ADAM7: variants seen among roughly 807,000 people sequenced by gnomAD.
ADAM7 encodes ADAM metallopeptidase domain 7.
A neutral mutation model predicts 102.9 loss-of-function variants in ADAM7; 97 were observed. The observed-to-expected ratio is 0.94, with a 90% CI of 0.80 to 1.12. The LOEUF (loss-of-function observed/expected upper bound fraction) is 1.12, where lower values mean the gene tolerates loss of function less well. ADAM7 is among the 50% of genes most tolerant of loss of function. The pLI is 0.00. For missense variants in ADAM7, 991 were observed against 908.7 expected (o/e 1.09, Z -1.16); for synonymous variants, 334 against 304.4 (o/e 1.10, Z -1.01).
intron 8 of ADAM7, among the ~76,000 whole-genome samples, chr8:24,477,557 C>T (rs1279175044): frequency 4.5e-5 from 2 of 44,226 alleles, no homozygotes; most frequent in Admixed American, 4.9e-4. Flanking sequence ...GTCCCTTGGG[C>T]ATACCCTCAT....
intron 8 of ADAM7, among the ~76,000 whole-genome samples, chr8:24,481,103 G>A (rs553110512): frequency 1.3e-5 from 2 of 150,516 alleles, no homozygotes; most frequent in Non-Finnish European, 3.0e-5. Context: ...AACAATTCAG[G>A]GCCAAGAGGA....
intron 20 of ADAM7, 150 bp from the exon 21 acceptor site, chr8:24,507,330 A>T (rs1820984752): frequency 1.7e-6 from 1 of 598,558 alleles, no homozygotes; most frequent in South Asian, 2.5e-5. Context: ...AGCAATTTAC[A>T]AACTGTCTTG....
At chr8:24,503,570 T>C (rs577268535) in intron 20 of ADAM7, among the ~76,000 whole-genome samples, 23 of 152,252 alleles carry the variant, frequency 1.5e-4, no homozygotes, top group Non-Finnish European at 2.4e-4. Context: ...TAAAGACACA[T>C]GCACACGTAC....
At chr8:24,475,852 T>C (rs1009349564) in intron 7 of ADAM7, 5 of 443,786 alleles carry the variant, frequency 1.1e-5, no homozygotes, top group Non-Finnish European at 2.3e-5. Context: ...AAAAAGGGAA[T>C]GCAGTTATAA....
intron 11 of ADAM7, among the ~76,000 whole-genome samples, chr8:24,488,565 T>C (rs1049289997): frequency 3.3e-5 from 5 of 152,126 alleles, no homozygotes; most frequent in East Asian, 3.9e-4. Flanking sequence ...CTCAGTCTAA[T>C]GTGATCAAGA....
At chr8:24,491,022 G>A (rs1820330008) in intron 13 of ADAM7, 134 bp downstream of exon 13, 1 of 815,208 alleles carries the variant, frequency 1.2e-6, no homozygotes, top group Admixed American at 2.5e-5. Flanking sequence ...ACCCAACAGA[G>A]ATTCTTGTGA....
Position 24,508,720 on chromosome 8 carries a change from C to G in ADAM7, c.*174C>G. The G allele has an allele frequency of 2.1e-6, 3 of 1,430,546 alleles. No individual in the cohort carries two copies. The highest frequency in any genetic ancestry group is 2.8e-6 in the Non-Finnish European group (3 of 1,089,074). 88.6% of individuals were successfully genotyped at this position (1,430,546 alleles called of 1,614,324 possible). A position where few individuals can be genotyped will look rare whatever the true frequency, so the allele number is the denominator to read the frequency against. On this transcript the variant is annotated 3_prime_UTR_variant, in exon 22 of 22. Transcript: ENST00000175238. ...AACAACTTATTTCTGTTAATATTTACCGGTAGAATTCACACCCTCTATCAT... is the reference window on the plus strand; with the variant it reads ...AACAACTTATTTCTGTTAATATTTAGCGGTAGAATTCACACCCTCTATCAT...
At position 24,482,233 on chromosome 8, in the gene ADAM7, C is replaced by G. The variant is rs751404831; in HGVS notation, c.797C>G (p.Thr266Ser). 3 of 1,610,456 alleles carry G rather than the reference C, an allele frequency of 1.9e-6. No individual in the cohort carries two copies. The highest frequency in any genetic ancestry group is 2.5e-6 in the Non-Finnish European group (3 of 1,178,812). Reference sequence around the variant, plus strand: ...ATAGAACTATATTCAAATATAGAAACTACCTTATTGCGTTTTTCATTTTGG... The same window carrying G: ...ATAGAACTATATTCAAATATAGAAAGTACCTTATTGCGTTTTTCATTTTGG... ...DKIELYSNIE[T>S]TLLRFSFWQE... is the part of the protein sequence containing the mutation. The change falls in exon 9 of 22, where the codon ACT becomes AGT. Residue 266 changes from threonine to serine, a missense_variant. Coordinates refer to ENST00000175238, the MANE Select transcript of ADAM7 (RefSeq NM_003817.4).
Position 24,441,029 on chromosome 8 carries a change from C to T in ADAM7, c.-80C>T. ...CCACCTATCTGTGAGGTGCTTCATCCCTGCAGTGGAAGTGAGGAGGAAGAA... is the reference window on the plus strand; with the variant it reads ...CCACCTATCTGTGAGGTGCTTCATCTCTGCAGTGGAAGTGAGGAGGAAGAA... On this transcript the variant is annotated 5_prime_UTR_variant, in exon 1 of 22. Transcript: ENST00000175238. 3.0e-6 allele frequency: 4 copies of T among 1,342,062 alleles called. No individual in the cohort carries two copies. The highest frequency in any genetic ancestry group is 4.3e-6 in the Non-Finnish European group (4 of 935,260). The allele number at this position is 1,342,062 out of a possible 1,614,324, so 83.1% of individuals were successfully genotyped here. A position where few individuals can be genotyped will look rare whatever the true frequency, so the allele number is the denominator to read the frequency against.
At chr8:24,468,843 C>A in intron 7 of ADAM7, 23 bp downstream of exon 7, 1 of 1,593,988 alleles carries the variant, frequency 6.3e-7, no homozygotes, top group Non-Finnish European at 8.6e-7. Context: ...TAGAACATTT[C>A]TCTCTTTATT....
At chr8:24,499,433 A>G in intron 17 of ADAM7, 117 bp downstream of exon 17, 4 of 705,410 alleles carry the variant, frequency 5.7e-6, no homozygotes, top group Non-Finnish European at 2.1e-6. Context: ...TTTCTAAATC[A>G]AATATATATT....
chr8:24,452,384 G>A (rs1483537815), intron 3 of ADAM7, among the ~76,000 whole-genome samples: 1 of 147,964 alleles, frequency 6.8e-6, no homozygotes, highest in East Asian at 1.9e-4. Context: ...TTGTTGAATT[G>A]ATCCCTTTAC....
Position 24,441,099 on chromosome 8 carries a change from A to G in ADAM7, c.-10A>G. On this transcript the variant is annotated 5_prime_UTR_variant, in exon 1 of 22. Transcript: ENST00000175238. ...AGCACTTCTGCTCTCCTCTACCAGA[A>G]TCACTCAGAATGCTTCCCGGGTGTA... is the stretch of plus-strand genomic sequence containing the variant. The G allele has an allele frequency of 6.2e-7, 1 of 1,612,974 alleles. No individual in the cohort carries two copies. The highest frequency in any genetic ancestry group is 1.3e-5 in the African/African-American group (1 of 75,010).
chr8:24,482,381 CA>C (rs1290379913), intron 9 of ADAM7, 70 bp downstream of exon 9: 16 of 1,415,538 alleles, frequency 1.1e-5, no homozygotes, highest in Middle Eastern at 1.8e-4. Context: ...AAAAAATTAA[CA>C]GAAAAAAAAC....
chr8:24,467,261 AT>A (rs1819459493), intron 6 of ADAM7: 1 of 483,574 alleles, frequency 2.1e-6, no homozygotes, highest in Admixed American at 3.8e-5. Flanking sequence ...AAATCATGAA[AT>A]TTTCAATGTC....
chr8:24,446,681 C>T (rs117805455), intron 2 of ADAM7, among the ~76,000 whole-genome samples: 23 of 151,476 alleles, frequency 1.5e-4, no homozygotes, highest in Non-Finnish European at 2.9e-4. Flanking sequence ...GCAAAGTAGA[C>T]GAAAAAACAG....
chr8:24,506,476 C>T (rs73548747), intron 20 of ADAM7, among the ~76,000 whole-genome samples: 2,327 of 152,166 alleles, frequency 0.015, 54 homozygotes, highest in African/African-American at 0.052. Context: ...TTTAAACTAA[C>T]ACATTAGCAC....
intron 11 of ADAM7, among the ~76,000 whole-genome samples, chr8:24,488,772 T>C (rs1166325230): frequency 1.1e-4 from 16 of 152,172 alleles, no homozygotes; most frequent in Non-Finnish European, 5.9e-5. Flanking sequence ...TGTTAACTAA[T>C]GTTTATTTTT....
At position 24,493,699 on chromosome 8, in the gene ADAM7, A is replaced by C. The variant is rs967621967; in HGVS notation, c.1842+470A>C. 1.3e-5 allele frequency among the ~76,000 whole-genome samples: 2 copies of C among 152,194 alleles called. 1 individual carries two copies. Among genetic ancestry groups the C allele is most frequent in the African/African-American group, 4.8e-5 (2 of 41,446 alleles). ...TTTCTTAGTGGTGTGACCAATGTAT[A>C]TTGATGTCTAAAGGAAAAGTGGCTG... On this transcript the variant is annotated intron_variant, in intron 16 of 21. Coordinates refer to ENST00000175238, the MANE Select transcript of ADAM7 (RefSeq NM_003817.4).
Sources: allele counts gnomAD v4.1 joint callset (sites outside exome capture counted in the v4.1 genomes callset), GRCh38; gene constraint gnomAD v4.1.1; transcripts MANE v1.5; gene names NCBI Gene and HGNC (gene_info 2026-07-23, HGNC 2026-07-21).